SPTAN1: variants seen among roughly 807,000 people sequenced by gnomAD.
SPTAN1 encodes spectrin alpha chain, non-erythrocytic 1.
In SPTAN1, 61 loss-of-function variants were observed where a neutral mutation model predicts 331.3. The observed-to-expected ratio is 0.18, with a 90% CI of 0.15 to 0.23. The LOEUF (loss-of-function observed/expected upper bound fraction) is 0.23, where lower values mean the gene tolerates loss of function less well. Ranked by LOEUF, SPTAN1 falls within the 10% of genes least tolerant of loss-of-function variation. The pLI, the probability that SPTAN1 is intolerant of heterozygous loss-of-function variation, is 1.00. For synonymous variants in SPTAN1, 1,153 were observed against 1,173.9 expected (o/e 0.98, Z 0.36); for missense variants, 2,043 against 3,147.9 (o/e 0.65, Z 8.40).
intron 21 of SPTAN1, among the ~76,000 whole-genome samples, chr9:128,589,290 CTTTTTTTTTTTT>C (rs1171749676): frequency 7.9e-6 from 1 of 127,000 alleles, no homozygotes; most frequent in Non-Finnish European, 1.6e-5. Flanking sequence ...TTTTTCTTTT[CTTTTTTTTTTTT>C]TTTTGAGACA....
intron 25 of SPTAN1, chr9:128,598,759 G>A (rs1024998792): frequency 3.1e-6 from 2 of 645,784 alleles, no homozygotes; most frequent in Non-Finnish European, 2.7e-6. Context: ...TGTTTATATA[G>A]CCATTAACTA....
chr9:128,581,241 A>G (rs1851903001), intron 11 of SPTAN1, among the ~76,000 whole-genome samples, 182 bp downstream of exon 11: 1 of 152,216 alleles, frequency 6.6e-6, no homozygotes, highest in Non-Finnish European at 1.5e-5. Context: ...TGAGATTGCA[A>G]GGCCTTCAGA....
At chr9:128,562,752 C>T (rs1451148486) in intron 1 of SPTAN1, among the ~76,000 whole-genome samples, 1 of 151,788 alleles carries the variant, frequency 6.6e-6, no homozygotes, top group Non-Finnish European at 1.5e-5. Context: ...ATCACGAGGT[C>T]AGGAGATCGA....
intron 2 of SPTAN1, among the ~76,000 whole-genome samples, chr9:128,568,162 C>T (rs929166175): frequency 6.6e-6 from 1 of 152,126 alleles, no homozygotes; most frequent in Non-Finnish European, 1.5e-5. Flanking sequence ...AGTAGTTGGG[C>T]CCATGGATTT....
Position 128,584,460 on chromosome 9 carries a change from G to C in SPTAN1, c.2372G>C (p.Arg791Pro), listed in dbSNP as rs1457925120. Residue 791 changes from arginine to proline, a missense_variant, in exon 17 of 57, where the codon CGG becomes CCG. Arg to Pro is a moderately radical substitution (Grantham distance 103). Transcript: ENST00000372739. ...ADSLRLQQLFRDVEDEETWIR... is the reference protein window; with the variant it reads ...ADSLRLQQLFPDVEDEETWIR... The stretch of plus-strand genomic sequence containing the variant: ...TCTCTGCGGTTGCAGCAGCTCTTCC[G>C]GGATGTTGAGGATGAGGAGACGTGG... The C allele has an allele frequency of 6.2e-7, 1 of 1,613,936 alleles. No individual in the cohort carries two copies. Among genetic ancestry groups the C allele is most frequent in the Non-Finnish European group, 8.5e-7 (1 of 1,179,968 alleles).
At chr9:128,589,511 C>G (rs1853159168) in intron 21 of SPTAN1, among the ~76,000 whole-genome samples, 5 of 150,726 alleles carry the variant, frequency 3.3e-5, no homozygotes, top group South Asian at 2.1e-4. Flanking sequence ...CTCCTGACCT[C>G]GTGATCCACC....
intron 24 of SPTAN1, 122 bp from the exon 25 acceptor site, chr9:128,598,274 CTTTT>C: frequency 1.7e-6 from 1 of 593,984 alleles, no homozygotes; most frequent in Non-Finnish European, 2.9e-6. Context: ...TAATCCCCCC[CTTTT>C]TTTTTTTTGG....
At position 128,629,985 on chromosome 9, in the gene SPTAN1, C is replaced by T; in HGVS notation, c.6708-336C>T. On this transcript the variant is annotated intron_variant, in intron 51 of 56. Coordinates refer to ENST00000372739, the MANE Select transcript of SPTAN1 (RefSeq NM_001130438.3). The surrounding 1 kb of genome is among the most constrained non-coding windows in gnomAD (Gnocchi z 4.9). ...GGGTGTGCCATCCCCCACATGGCTG[C>T]AGAGAGGATGCTCAGACAGGCCTGC... 4.8e-6 allele frequency: 2 copies of T among 420,078 alleles called. No individual in the cohort carries two copies. Among genetic ancestry groups the T allele is most frequent in the Non-Finnish European group, 9.2e-6 (2 of 216,436 alleles). The allele number at this position is 420,078 out of a possible 1,614,324, so 26.0% of individuals were successfully genotyped here.
intron 27 of SPTAN1, among the ~76,000 whole-genome samples, chr9:128,603,193 T>C (rs1855400852): frequency 6.6e-6 from 1 of 152,076 alleles, no homozygotes; most frequent in South Asian, 2.1e-4. Context: ...TAGGGTTTTT[T>C]TTTTTCCGGA....
chr9:128,595,015 G>C (rs1287454973), intron 24 of SPTAN1, among the ~76,000 whole-genome samples: 1 of 151,216 alleles, frequency 6.6e-6, no homozygotes. Flanking sequence ...TCACCATATT[G>C]GTCAGGCTGG....
intron 19 of SPTAN1, 80 bp from the exon 20 acceptor site, chr9:128,587,526 A>G (rs1247186314): frequency 3.6e-6 from 4 of 1,098,862 alleles, no homozygotes; most frequent in Non-Finnish European, 5.6e-6. Flanking sequence ...CTGTTGAGGC[A>G]GGATGGCAGG....
At chr9:128,575,844 C>G (rs546389394) in intron 5 of SPTAN1, among the ~76,000 whole-genome samples, 1 of 152,178 alleles carries the variant, frequency 6.6e-6, no homozygotes, top group Non-Finnish European at 1.5e-5. Flanking sequence ...CCAGTGCCCA[C>G]GTGTACAATC....
In SPTAN1 at chr9:128,577,736, A is replaced by G. The variant is rs554745428; in HGVS notation, c.1085+230A>G. On this transcript the variant is annotated intron_variant, in intron 8 of 56. Coordinates refer to ENST00000372739, the MANE Select transcript of SPTAN1 (RefSeq NM_001130438.3). The surrounding 1 kb of genome is among the most constrained non-coding windows in gnomAD (Gnocchi z 4.2). ...AAATTCTTCTATTCTGCATCACTGC[A>G]TTATGATTGATAGAATGGGAATGTC... Among the ~76,000 whole-genome samples, 4 of 152,370 alleles carry G rather than the reference A, an allele frequency of 2.6e-5. No homozygotes were observed. The highest frequency in any genetic ancestry group is 9.6e-5 in the African/African-American group (4 of 41,586).
Position 128,577,148 on chromosome 9 carries a change from A to T in SPTAN1, c.805A>T (p.Ser269Cys), listed in dbSNP as rs1417396385. Residue 269 changes from serine (S) to cysteine (C), a missense_variant, in exon 7 of 57, where the codon AGT becomes TGT. By Grantham distance (112) the Ser-to-Cys change is moderately radical (BLOSUM62 -1). This residue lies in a region of SPTAN1 where 1,038 missense variants were observed against 1,531.5 expected (regional missense o/e 0.68). Coordinates refer to ENST00000372739, the MANE Select transcript of SPTAN1 (RefSeq NM_001130438.3). This position sits in a 1 kb window ranked among gnomAD's most constrained non-coding sequence, Gnocchi z 4.2. The stretch of plus-strand genomic sequence containing the variant: ...CTGTAGGGATGTGGATGAGACTATC[A>T]GTTGGATTAAGGAAAAGGAGCAGTT... ...RFNRDVDETISWIKEKEQLMA... is the reference protein window; with the variant it reads ...RFNRDVDETICWIKEKEQLMA... 6.2e-7 allele frequency: 1 copy of T among 1,614,140 alleles called. No individual in the cohort carries two copies. Among genetic ancestry groups the T allele is most frequent in the Non-Finnish European group, 8.5e-7 (1 of 1,180,024 alleles).
At position 128,580,913 on chromosome 9, in the gene SPTAN1, GC is replaced by G; in HGVS notation, c.1324-4del. ...TCATCTCCCTGACCATGTCTCCTAT[GC>G]CCCCAAGCTGACCGTCCTTTCCGAG... On this transcript the variant is annotated splice_region_variant and splice_polypyrimidine_tract_variant and intron_variant, in intron 10 of 56. Transcript: ENST00000372739. 1 of 1,612,460 alleles carries G rather than the reference GC, an allele frequency of 6.2e-7. No individual in the cohort carries two copies. Among genetic ancestry groups the G allele is most frequent in the Non-Finnish European group, 8.5e-7 (1 of 1,180,008 alleles).
At position 128,632,676 on chromosome 9, in the gene SPTAN1, A is replaced by G. The variant is rs1200355049; in HGVS notation, c.7118A>G (p.Asp2373Gly). 6.2e-7 allele frequency: 1 copy of G among 1,613,956 alleles called. No homozygotes were observed. The highest frequency in any genetic ancestry group is 8.5e-7 in the Non-Finnish European group (1 of 1,180,018). ...DLPMVEEGEP[D>G]PEFEAILDTV... ...CCCATGGTGGAGGAAGGGGAACCTG[A>G]CCCTGAGTTCGAGGCAATCCTGGAC... Residue 2373 changes from aspartate (D) to glycine (G), a missense_variant, in exon 55 of 57, where the codon GAC (aspartate) becomes GGC (glycine). Physicochemically the swap from Asp to Gly is moderately conservative, Grantham distance 94. Coordinates refer to ENST00000372739, the MANE Select transcript of SPTAN1 (RefSeq NM_001130438.3).
rs770772851 is a variant in SPTAN1 at position 128,568,731 on chromosome 9, G to T, written c.238-41G>T. The T allele has an allele frequency of 4.4e-5, 71 of 1,612,678 alleles. No homozygotes were observed. The East Asian group carries it at 1.6e-3, about 35-fold the overall frequency. ...ACAGCGGGGACAAAATGCTGATGCTGTGTGGTTGCGTCTGAGGCTCACTTC... is the reference window on the plus strand; with the variant it reads ...ACAGCGGGGACAAAATGCTGATGCTTTGTGGTTGCGTCTGAGGCTCACTTC... On this transcript the variant is annotated intron_variant, in intron 2 of 56. Transcript: ENST00000372739.
At chr9:128,574,845 CTT>C (rs1851121932) in intron 4 of SPTAN1, 30 bp downstream of exon 4, 1 of 1,613,702 alleles carries the variant, frequency 6.2e-7, no homozygotes, top group South Asian at 1.1e-5. Context: ...GTTTGCTAAG[CTT>C]TACTCAAAGA....
At position 128,609,127 on chromosome 9, in the gene SPTAN1, G is replaced by A. The variant is rs1310923591; in HGVS notation, c.4601G>A (p.Arg1534Gln). The change falls in exon 36 of 57, where the codon CGA (arginine) becomes CAA (glutamine). Residue 1534 changes from arginine (R) to glutamine (Q), a missense_variant. Physicochemically the swap from Arg to Gln is conservative, Grantham distance 43 (BLOSUM62 1). Coordinates refer to ENST00000372739, the MANE Select transcript of SPTAN1 (RefSeq NM_001130438.3). ...TCATGGTTTCACTCTTTCAGGTGGC[G>A]ACGTCTGAAAGCCCAGATGATTGAG... is the stretch of plus-strand genomic sequence containing the variant. ...SRRNEVLDRW[R>Q]RLKAQMIEKR... 1.2e-6 allele frequency: 2 copies of A among 1,614,190 alleles called. No homozygotes were observed. The highest frequency in any genetic ancestry group is 1.7e-6 in the Non-Finnish European group (2 of 1,180,050).
Sources: allele counts gnomAD v4.1 joint callset (sites outside exome capture counted in the v4.1 genomes callset), GRCh38; gene constraint gnomAD v4.1.1; regional missense constraint gnomAD v4.1.1; non-coding constraint Gnocchi (gnomAD v3.1); transcripts MANE v1.5; gene names NCBI Gene and HGNC (gene_info 2026-07-23, HGNC 2026-07-21).